The following NSD1 variants were observed in gnomAD, a reference collection of about 807,000 sequenced individuals.
The protein encoded by NSD1 is histone-lysine N-methyltransferase, H3 lysine-36 specific.
NSD1 carries 26 observed loss-of-function variants against 242.7 expected under a neutral mutation model. The observed-to-expected ratio is 0.11, with a 90% CI of 0.08 to 0.15. The LOEUF (loss-of-function observed/expected upper bound fraction) is 0.15. Ranked by LOEUF, NSD1 falls within the 10% of genes least tolerant of loss-of-function variation. The pLI, the probability that NSD1 is intolerant of heterozygous loss-of-function variation, is 1.00. For missense variants in NSD1, 2,495 were observed against 3,272.8 expected (o/e 0.76, Z 5.80); for synonymous variants, 1,106 against 1,178.1 (o/e 0.94, Z 1.25).
chr5:177,161,212 G>A (rs1200657571), intron 2 of NSD1, among the ~76,000 whole-genome samples: 2 of 151,884 alleles, frequency 1.3e-5, no homozygotes, highest in South Asian at 2.1e-4. Context: ...AGGGAGATCC[G>A]GCCTCTACAA....
intron 8 of NSD1, among the ~76,000 whole-genome samples, chr5:177,240,126 T>A: frequency 6.6e-6 from 1 of 152,194 alleles, no homozygotes; most frequent in East Asian, 1.9e-4. Context: ...AGTTTGTGTT[T>A]GTTATAATTT....
intron 2 of NSD1, among the ~76,000 whole-genome samples, chr5:177,190,977 T>TTC (rs1554185223): frequency 7.8e-5 from 11 of 140,172 alleles, no homozygotes; most frequent in African/African-American, 3.1e-4. Context: ...TTTTTTTTTT[T>TTC]TTTCTTTTTT....
At chr5:177,222,150 A>G (rs1764288078) in intron 5 of NSD1, among the ~76,000 whole-genome samples, 1 of 145,402 alleles carries the variant, frequency 6.9e-6, no homozygotes, top group South Asian at 2.2e-4. Flanking sequence ...ACTTTTTGAG[A>G]TGTTGTCTCA....
intron 14 of NSD1, chr5:177,264,872 AAGG>A: frequency 1.3e-6 from 1 of 766,438 alleles, no homozygotes. Flanking sequence ...ATCTATAAGA[AAGG>A]TGATATTGTA....
intron 2 of NSD1, among the ~76,000 whole-genome samples, chr5:177,161,508 G>A (rs1758745778): frequency 1.3e-5 from 2 of 152,082 alleles, no homozygotes; most frequent in African/African-American, 2.4e-5. Context: ...TTTCTAAATA[G>A]AGATAGGGTC....
In NSD1 at chr5:177,210,722, C is replaced by G. The variant is rs1310684026; in HGVS notation, c.2323C>G (p.Gln775Glu). 1 of 1,614,174 alleles carries G rather than the reference C, an allele frequency of 6.2e-7. No homozygotes were observed. ...GTTAATAAAGGGTGGGGCAGCAAAT[C>G]AAGCTCTATTACATTCGAAAAGCAA... ...NSLIKGGAAN[Q>E]ALLHSKSKQP... is the part of the protein sequence containing the mutation. Residue 775 changes from glutamine to glutamate, a missense_variant, in exon 5 of 23, where the codon CAA becomes GAA. Transcript: ENST00000439151.
At chr5:177,227,586 G>A (rs940974135) in intron 5 of NSD1, among the ~76,000 whole-genome samples, 4 of 151,952 alleles carry the variant, frequency 2.6e-5, no homozygotes, top group Non-Finnish European at 4.4e-5. Flanking sequence ...AGCTATAGGT[G>A]TGCGCCACCA....
At chr5:177,289,729 T>A (rs1389561720) in intron 21 of NSD1, among the ~76,000 whole-genome samples, 6 of 152,206 alleles carry the variant, frequency 3.9e-5, no homozygotes, top group Non-Finnish European at 8.8e-5. Context: ...GTCTTCCTGT[T>A]TTTTTAGTAT....
At chr5:177,147,570 T>C (rs1581126343) in intron 2 of NSD1, among the ~76,000 whole-genome samples, 1 of 152,268 alleles carries the variant, frequency 6.6e-6, no homozygotes, top group East Asian at 1.9e-4. Flanking sequence ...AGTTGTTGAC[T>C]AAATCAATAG....
chr5:177,232,787 C>T (rs919589793), intron 5 of NSD1, among the ~76,000 whole-genome samples: 1 of 152,096 alleles, frequency 6.6e-6, no homozygotes, highest in African/African-American at 2.4e-5. Flanking sequence ...GAAGATATCC[C>T]CATAGATTAG....
chr5:177,233,879 A>G (rs142950533), intron 5 of NSD1, among the ~76,000 whole-genome samples: 13 of 152,300 alleles, frequency 8.5e-5, no homozygotes, highest in African/African-American at 3.1e-4. Flanking sequence ...TGACCAGGGA[A>G]TCCCTAGATT....
chr5:177,157,971 C>G (rs939666404), intron 2 of NSD1, among the ~76,000 whole-genome samples: 8 of 152,188 alleles, frequency 5.3e-5, no homozygotes, highest in African/African-American at 1.7e-4. Context: ...TTGCTTTGTA[C>G]TGATGCCACT....
chr5:177,231,961 A>C (rs1427858360), intron 5 of NSD1, among the ~76,000 whole-genome samples: 1 of 152,020 alleles, frequency 6.6e-6, no homozygotes. Flanking sequence ...GTGTGGTGGC[A>C]CTGTCTTGGC....
chr5:177,173,291 CA>C (rs60043429), intron 2 of NSD1, among the ~76,000 whole-genome samples: 43,891 of 97,002 alleles, frequency 0.45, 7,693 homozygotes, highest in African/African-American at 0.5. Context: ...GACTCTGTCT[CA>C]AAAAAAAAAA....
intron 2 of NSD1, among the ~76,000 whole-genome samples, chr5:177,144,385 T>G (rs1031817638): frequency 5.3e-5 from 8 of 151,580 alleles, no homozygotes; most frequent in African/African-American, 1.9e-4. Flanking sequence ...AGTTTTTGTT[T>G]TTTTTTTTCT....
chr5:177,207,953 A>AG (rs1763031087), intron 4 of NSD1, among the ~76,000 whole-genome samples: 1 of 151,068 alleles, frequency 6.6e-6, no homozygotes, highest in African/African-American at 2.4e-5. Flanking sequence ...TAGTAGAGAC[A>AG]GGGTCTGGTT....
chr5:177,266,049 A>C lies in NSD1; in HGVS notation c.5147-1513A>C, dbSNP rs1039300150. On this transcript the variant is annotated intron_variant, in intron 14 of 22. Coordinates refer to ENST00000439151, the MANE Select transcript of NSD1 (RefSeq NM_022455.5). The stretch of plus-strand genomic sequence containing the variant: ...TCGAAGCCATAAACGTTCTCCCACC[A>C]GTGGATCTTGTAGTCTTTGTACTGC... 6.5e-6 allele frequency: 7 copies of C among 1,078,220 alleles called. No individual in the cohort carries two copies. The Admixed American group carries it at 1.2e-4, about 18-fold the overall frequency. The allele number at this position is 1,078,220 out of a possible 1,614,324, so 66.8% of individuals were successfully genotyped here. A position where few individuals can be genotyped will look rare whatever the true frequency, so the allele number is the denominator to read the frequency against.
intron 2 of NSD1, among the ~76,000 whole-genome samples, chr5:177,185,750 TATA>T (rs1437176370): frequency 2.0e-5 from 2 of 101,284 alleles, no homozygotes; most frequent in African/African-American, 8.1e-5. Flanking sequence ...ATATATTATA[TATA>T]ATATATTTTA....
chr5:177,222,472 G>T (rs1032032543), intron 5 of NSD1, among the ~76,000 whole-genome samples: 1 of 152,154 alleles, frequency 6.6e-6, no homozygotes, highest in African/African-American at 2.4e-5. Context: ...TCCTAGCAAT[G>T]TATGAGGGTT....
Sources: gnomAD v4.1 joint callset for allele counts (sites outside exome capture counted in the v4.1 genomes callset) on GRCh38, gnomAD v4.1.1 for gene constraint, MANE v1.5 for transcripts, NCBI Gene and HGNC (gene_info 2026-07-23, HGNC 2026-07-21) for gene names.